Variants in GTF2IRD1 observed in about 807,000 individuals in gnomAD.
GTF2IRD1 encodes GTF2I repeat domain containing 1.
GTF2IRD1 carries 26 observed loss-of-function variants against 113.2 expected under a neutral mutation model. The observed-to-expected ratio is 0.23, with a 90% CI of 0.17 to 0.32. The LOEUF (loss-of-function observed/expected upper bound fraction) is 0.32. GTF2IRD1 is among the 10% of genes least tolerant of loss of function. The pLI is 1.00. For missense variants in GTF2IRD1, 864 were observed against 1,280.8 expected (o/e 0.67, Z 4.97); for synonymous variants, 484 against 529.1 (o/e 0.91, Z 1.17).
At chr7:74,465,657 C>T (rs1470383186) in intron 1 of GTF2IRD1, among the ~76,000 whole-genome samples, 2 of 152,204 alleles carry the variant, frequency 1.3e-5, no homozygotes, top group African/African-American at 2.4e-5. Context: ...GCCCCACTCC[C>T]CCAGACAGTG....
intron 1 of GTF2IRD1, among the ~76,000 whole-genome samples, chr7:74,502,058 C>T (rs1796062165): frequency 6.6e-6 from 1 of 152,114 alleles, no homozygotes; most frequent in East Asian, 1.9e-4. Context: ...GTGATCCTCC[C>T]GTCTCAGCCT....
intron 22 of GTF2IRD1, among the ~76,000 whole-genome samples, chr7:74,566,735 A>G (rs1554360795): frequency 6.6e-6 from 1 of 152,218 alleles, no homozygotes; most frequent in Non-Finnish European, 1.5e-5. Context: ...ACTGAGGCTC[A>G]GAGAGATTAA....
chr7:74,560,447 T>G (rs1799877856), intron 22 of GTF2IRD1, among the ~76,000 whole-genome samples: 2 of 147,138 alleles, frequency 1.4e-5, no homozygotes, highest in Admixed American at 1.4e-4. Context: ...AAAAAAATAT[T>G]TTATATATAT....
intron 13 of GTF2IRD1, among the ~76,000 whole-genome samples, chr7:74,539,129 C>T (rs1481637471): frequency 1.4e-4 from 21 of 152,194 alleles, no homozygotes; most frequent in African/African-American, 4.8e-4. Context: ...GGCGCTGGAG[C>T]CTCAGTACGG....
At chr7:74,519,795 C>CCCTGGG in intron 6 of GTF2IRD1, 76 bp downstream of exon 6, 2 of 1,104,512 alleles carry the variant, frequency 1.8e-6, no homozygotes, top group Non-Finnish European at 2.6e-6. Flanking sequence ...CCTCCCAGGG[C>CCCTGGG]AGGTCAGGAT....
At chr7:74,463,439 C>T (rs186245889) in intron 1 of GTF2IRD1, among the ~76,000 whole-genome samples, 1 of 152,102 alleles carries the variant, frequency 6.6e-6, no homozygotes, top group African/African-American at 2.4e-5. Context: ...CTCGCCATGT[C>T]GCCCAGGCTG....
intron 1 of GTF2IRD1, among the ~76,000 whole-genome samples, chr7:74,493,938 T>C (rs1290725730): frequency 6.6e-6 from 1 of 152,098 alleles, no homozygotes; most frequent in Non-Finnish European, 1.5e-5. Context: ...AGGCTGGTCT[T>C]GAACTCCTGA....
rs782157100 is a variant in GTF2IRD1, at chr7:74,590,859, C to A, written c.2433C>A (p.Val811=). 6.2e-7 allele frequency: 1 copy of A among 1,612,404 alleles called. No homozygotes were observed. The highest frequency in any genetic ancestry group is 1.1e-5 in the South Asian group (1 of 90,968). ...TGGGCCTGAACCGGCCGGTGCTGGT[C>A]CCTTATAAACTAATCCGGGACAGCC... The part of the protein sequence containing the change: ...EALGLNRPVL[V]PYKLIRDSPD... The change falls in exon 24 of 27, where the codon GTC becomes GTA. Residue 811 remains valine, a synonymous_variant. Coordinates refer to ENST00000424337, the MANE Select transcript of GTF2IRD1 (RefSeq NM_005685.4).
intron 4 of GTF2IRD1, among the ~76,000 whole-genome samples, chr7:74,517,746 C>T (rs587602759): frequency 6.6e-6 from 1 of 152,294 alleles, no homozygotes; most frequent in Non-Finnish European, 1.5e-5. Context: ...TGCAGCCTGG[C>T]TCATGCAAGT....
At chr7:74,474,436 G>A (rs1794289354) in intron 1 of GTF2IRD1, among the ~76,000 whole-genome samples, 1 of 152,188 alleles carries the variant, frequency 6.6e-6, no homozygotes, top group South Asian at 2.1e-4. Context: ...CCATCTTGGT[G>A]CAAATATTTG....
intron 24 of GTF2IRD1, among the ~76,000 whole-genome samples, chr7:74,593,313 C>T (rs1410138191): frequency 3.3e-5 from 5 of 150,460 alleles, no homozygotes; most frequent in East Asian, 2.0e-4. Flanking sequence ...TGGTGGCTCA[C>T]GCCTGTAATC....
intron 24 of GTF2IRD1, among the ~76,000 whole-genome samples, chr7:74,594,643 G>A (rs1459629288): frequency 6.6e-6 from 1 of 152,152 alleles, no homozygotes; most frequent in Non-Finnish European, 1.5e-5. Context: ...AGGTGAGAAG[G>A]AGGGGAAAAC....
intron 24 of GTF2IRD1, among the ~76,000 whole-genome samples, chr7:74,591,460 G>A (rs781843599): frequency 8.6e-5 from 12 of 139,940 alleles, no homozygotes; most frequent in Non-Finnish European, 1.8e-4. Context: ...CTCACTGCAC[G>A]CTTCACCTCC....
intron 22 of GTF2IRD1, among the ~76,000 whole-genome samples, chr7:74,584,484 T>A (rs1192994495): frequency 6.6e-6 from 1 of 152,070 alleles, no homozygotes; most frequent in Non-Finnish European, 1.5e-5. Context: ...TAGTTAATGA[T>A]GTATTTATCC....
At chr7:74,536,579 G>A (rs1330256208) in intron 11 of GTF2IRD1, among the ~76,000 whole-genome samples, 1 of 151,974 alleles carries the variant, frequency 6.6e-6, no homozygotes, top group African/African-American at 2.4e-5. Flanking sequence ...AGGCCGAGGC[G>A]GGCGGATCTC....
intron 14 of GTF2IRD1, among the ~76,000 whole-genome samples, chr7:74,542,909 C>T (rs1583841217): frequency 6.6e-6 from 1 of 152,238 alleles, no homozygotes. Flanking sequence ...AACACAGGCT[C>T]AGCAAGGCTC....
intron 17 of GTF2IRD1, among the ~76,000 whole-genome samples, chr7:74,547,883 GAGC>G (rs1799051921): frequency 6.6e-6 from 1 of 151,698 alleles, no homozygotes; most frequent in Admixed American, 6.6e-5. Context: ...AGTCTCAGGA[GAGC>G]AGTGTTCAGT....
At chr7:74,523,291 C>T (rs1185874152) in intron 7 of GTF2IRD1, among the ~76,000 whole-genome samples, 2 of 151,184 alleles carry the variant, frequency 1.3e-5, no homozygotes, top group Admixed American at 6.6e-5. Context: ...CCTGGGGGGC[C>T]GAGGCAGAGG....
intron 1 of GTF2IRD1, among the ~76,000 whole-genome samples, chr7:74,489,416 C>T (rs62478081): frequency 0.27 from 41,159 of 151,846 alleles, 6,046 homozygotes; most frequent in Middle Eastern, 0.35. Context: ...GATCTCAGCT[C>T]ACTGCAACCT....
Sources: allele counts gnomAD v4.1 joint callset (sites outside exome capture counted in the v4.1 genomes callset), GRCh38; gene constraint gnomAD v4.1.1; transcripts MANE v1.5; gene names NCBI Gene and HGNC (gene_info 2026-07-23, HGNC 2026-07-21).